WBP2: variants seen among roughly 807,000 people sequenced by gnomAD.
WBP2 encodes the protein WW domain-binding protein 2.
In WBP2, 23 loss-of-function variants were observed where a neutral mutation model predicts 33.0. The ratio of observed to expected loss-of-function variants is 0.70; its 90% CI spans 0.50 to 0.99. WBP2 has a LOEUF of 0.99. WBP2 is among the 50% of genes least tolerant of loss of function. The pLI is 0.00. For synonymous variants in WBP2, 153 were observed against 133.5 expected, an observed-to-expected ratio of 1.15 and a Z score of -1.01; for missense variants, 353 against 358.0, an observed-to-expected ratio of 0.99 and a Z score of 0.11.
In WBP2 at chr17:75,851,655, G is replaced by A. The variant is rs771205620; in HGVS notation, c.81C>T (p.His27=). 19 of 1,613,284 alleles carry A rather than the reference G, an allele frequency of 1.2e-5. No individual in the cohort carries two copies. Among genetic ancestry groups the A allele is most frequent in the South Asian group, 5.5e-5 (5 of 91,068 alleles). ...TCATGTCATTGAATGTGAGTTCCAC[G>A]TGATCATAGGACATTAGGATGCTGT... is the stretch of plus-strand genomic sequence containing the variant. ...NTESILMSYD[H]VELTFNDMKN... is the part of the protein sequence containing the mutation. The change falls in exon 2 of 8, where the codon CAC becomes CAT. Residue 27 remains histidine (H), a synonymous_variant. Transcript: ENST00000254806.
intron 6 of WBP2, 66 bp downstream of exon 6, chr17:75,847,421 T>A: frequency 6.4e-7 from 1 of 1,556,336 alleles, no homozygotes; most frequent in South Asian, 1.2e-5. Flanking sequence ...ATTCTGAGGC[T>A]CTCTGTGCGA....
At chr17:75,849,481 C>T (rs2065014883) in intron 3 of WBP2, 123 bp downstream of exon 3, 22 of 1,282,204 alleles carry the variant, frequency 1.7e-5, no homozygotes, top group Non-Finnish European at 2.4e-5. Flanking sequence ...CAGCCCAGAG[C>T]TGGGAAGAGG....
chr17:75,851,499 G>T, intron 2 of WBP2, 69 bp downstream of exon 2: 2 of 1,246,520 alleles, frequency 1.6e-6, no homozygotes, highest in South Asian at 1.2e-5. Context: ...AGGCAGACCT[G>T]AGACTAAGAC....
chr17:75,851,608 T>C lies in WBP2; in HGVS notation c.128A>G (p.Lys43Arg), dbSNP rs778273023. The change falls in exon 2 of 8, where the codon AAA becomes AGA. Residue 43 changes from lysine to arginine, a missense_variant. Physicochemically the swap from Lys to Arg is conservative, Grantham distance 26. Coordinates refer to ENST00000254806, the MANE Select transcript of WBP2 (RefSeq NM_012478.4). ...NDMKNVPEAFKGTKKGTVYLT... is the reference protein window; with the variant it reads ...NDMKNVPEAFRGTKKGTVYLT... ...GTAGACAGTGCCTTTCTTGGTCCCT[T>C]TGAAGGCTTCTGGCACGTTCTTCAT... 2.4e-5 allele frequency: 39 copies of C among 1,613,714 alleles called. No homozygotes were observed. In the East Asian group the frequency reaches 8.0e-4, roughly 33 times the overall value.
At chr17:75,849,551 C>A in intron 3 of WBP2, 53 bp downstream of exon 3, 2 of 1,608,368 alleles carry the variant, frequency 1.2e-6, no homozygotes, top group South Asian at 2.2e-5. Context: ...TCAGAGGTTC[C>A]CAGGACACCT....
intron 1 of WBP2, among the ~76,000 whole-genome samples, chr17:75,853,559 G>A (rs2065039968): frequency 6.6e-6 from 1 of 152,042 alleles, no homozygotes; most frequent in Non-Finnish European, 1.5e-5. Flanking sequence ...AGTCCCCAGA[G>A]ATGTTGCCAA....
chr17:75,848,285 G>C (rs2065007454), intron 4 of WBP2: 1 of 585,044 alleles, frequency 1.7e-6, no homozygotes, highest in Non-Finnish European at 3.1e-6. Flanking sequence ...CGAATGGTTG[G>C]TTTAGTGTTT....
At chr17:75,847,640 T>C in intron 5 of WBP2, 31 bp from the exon 6 acceptor site, 1 of 1,612,348 alleles carries the variant, frequency 6.2e-7, no homozygotes, top group Non-Finnish European at 8.5e-7. Context: ...AAGGACATGG[T>C]GAGCACCCGG....
chr17:75,854,604 A>T (rs770427520), intron 1 of WBP2, among the ~76,000 whole-genome samples: 3 of 152,346 alleles, frequency 2.0e-5, no homozygotes, highest in Non-Finnish European at 4.4e-5. Context: ...GACAAACGTC[A>T]TCTGTTTAAT....
At chr17:75,850,838 C>T (rs867213818) in intron 2 of WBP2, among the ~76,000 whole-genome samples, 8 of 152,246 alleles carry the variant, frequency 5.3e-5, no homozygotes, top group South Asian at 4.1e-4. Context: ...AGACTAGAGG[C>T]ATGTGCCACC....
At position 75,849,716 on chromosome 17, in the gene WBP2, C is replaced by T; in HGVS notation, c.192G>A (p.Lys64=). The change falls in exon 3 of 8, where the codon AAG becomes AAA. Residue 64 remains lysine (K), a synonymous_variant. Transcript: ENST00000254806. ...PYRVIFLSKG[K]DAMQSFMMPF... ...GCATCATGAAGGACTGCATGGCATCCTTGCCCTTGGACAGAAAGATGACCT... is the reference window on the plus strand; with the variant it reads ...GCATCATGAAGGACTGCATGGCATCTTTGCCCTTGGACAGAAAGATGACCT... 1.2e-6 allele frequency: 2 copies of T among 1,614,136 alleles called. No individual in the cohort carries two copies. The highest frequency in any genetic ancestry group is 4.5e-5 in the East Asian group (2 of 44,888).
rs2064986291 is a variant in WBP2, at chr17:75,845,834, C to T, written c.*900G>A. On this transcript the variant is annotated 3_prime_UTR_variant, in exon 8 of 8. Coordinates refer to ENST00000254806, the MANE Select transcript of WBP2 (RefSeq NM_012478.4). ...AATTCTCTTTAAATAACCATCTCCT[C>T]ACTTCATGGCCAGTCCAGGGACAAA... The T allele has an allele frequency of 6.6e-6, 1 of 152,502 alleles. No homozygotes were observed. The highest frequency in any genetic ancestry group is 2.4e-5 in the African/African-American group (1 of 41,454). 9.4% of individuals were successfully genotyped at this position (152,502 alleles called of 1,614,324 possible). A position where few individuals can be genotyped will look rare whatever the true frequency, so the allele number is the denominator to read the frequency against.
chr17:75,847,407 G>A, intron 6 of WBP2, 80 bp downstream of exon 6: 1 of 1,547,074 alleles, frequency 6.5e-7, no homozygotes. Flanking sequence ...AGCAGTCTCT[G>A]GCCATTCTGA....
intron 4 of WBP2, 25 bp downstream of exon 4, chr17:75,848,545 C>T (rs776698512): frequency 1.2e-6 from 2 of 1,605,274 alleles, no homozygotes; most frequent in Non-Finnish European, 1.7e-6. Flanking sequence ...GTGTCTTTAG[C>T]CCCTAATCTT....
At chr17:75,853,772 G>A (rs372066112) in intron 1 of WBP2, among the ~76,000 whole-genome samples, 2 of 152,138 alleles carry the variant, frequency 1.3e-5, no homozygotes, top group South Asian at 2.1e-4. Flanking sequence ...ATGGCTGGGC[G>A]CGGTGGCTCA....
intron 6 of WBP2, 52 bp downstream of exon 6, chr17:75,847,435 C>T (rs535360309): frequency 2.0e-5 from 32 of 1,566,026 alleles, no homozygotes; most frequent in Admixed American, 1.9e-4. Flanking sequence ...TGTGCGACAT[C>T]GGGGAGGAGA....
intron 1 of WBP2, among the ~76,000 whole-genome samples, chr17:75,854,601 G>A (rs760409012): frequency 2.0e-4 from 30 of 152,158 alleles, no homozygotes; most frequent in South Asian, 6.2e-4. Flanking sequence ...CCTGACAAAC[G>A]TCATCTGTTT....
intron 2 of WBP2, chr17:75,851,325 T>G (rs1446075712): frequency 2.5e-6 from 1 of 401,460 alleles, no homozygotes; most frequent in African/African-American, 2.0e-5. Context: ...ATAGAGATTT[T>G]GCAGCAGCGG....
rs1264708995 is a variant in WBP2, at chr17:75,849,781, GC to G, written c.169-43del. The G allele has an allele frequency of 1.9e-6, 3 of 1,605,042 alleles. No individual in the cohort carries two copies. In the African/African-American group the frequency reaches 4.0e-5, roughly 21 times the overall value. Reference sequence around the variant, plus strand: ...TGAGGCCATCAGTACTAGAAGCACAGCCCACGCTGCCATGCTTCCCGCCTGC... The same window carrying G: ...TGAGGCCATCAGTACTAGAAGCACAGCCACGCTGCCATGCTTCCCGCCTGC... On this transcript the variant is annotated intron_variant, in intron 2 of 7. Transcript: ENST00000254806.
Sources: allele counts gnomAD v4.1 joint callset (sites outside exome capture counted in the v4.1 genomes callset), GRCh38; gene constraint gnomAD v4.1.1; transcripts MANE v1.5; gene names NCBI Gene and HGNC (gene_info 2026-07-23, HGNC 2026-07-21).